OR1J2: variants seen among roughly 807,000 people sequenced by gnomAD.
OR1J2 encodes the protein olfactory receptor family 1 subfamily J member 2, also known as olfactory receptor 1J2.
For synonymous variants in OR1J2, 142 were observed against 99.7 expected, an observed-to-expected ratio of 1.42 and a Z score of -2.52; for missense variants, 304 against 246.1, an observed-to-expected ratio of 1.24 and a Z score of -1.57.
chr9:122,468,943 C>T, the OR1J2 span, among the ~76,000 whole-genome samples: 1 of 152,176 alleles, frequency 6.6e-6, no homozygotes. Flanking sequence ...TCTGACAGAC[C>T]AGCTTTTAAT....
chr9:122,563,424 T>G, the OR1J2 span, among the ~76,000 whole-genome samples: 4 of 152,216 alleles, frequency 2.6e-5, no homozygotes, highest in Admixed American at 6.5e-5. Context: ...GAAATATCTA[T>G]TTAGGTCTTT....
chr9:122,530,041 G>C, the OR1J2 span, among the ~76,000 whole-genome samples: 2 of 152,210 alleles, frequency 1.3e-5, no homozygotes, highest in African/African-American at 4.8e-5. Flanking sequence ...CAAACAGCTG[G>C]AAGCAGAAGT....
the OR1J2 span, chr9:122,477,358 G>C: frequency 6.2e-6 from 10 of 1,613,966 alleles, no homozygotes; most frequent in Non-Finnish European, 8.5e-6. Flanking sequence ...GGAGGTGTCT[G>C]AGCAGGACAA....
At chr9:122,517,020 T>A in the OR1J2 span, among the ~76,000 whole-genome samples, 1 of 152,184 alleles carries the variant, frequency 6.6e-6, no homozygotes, top group Non-Finnish European at 1.5e-5. Flanking sequence ...TGATATAAAT[T>A]GGTTCAGATT....
chr9:122,535,578 A>G, the OR1J2 span, among the ~76,000 whole-genome samples: 1 of 152,190 alleles, frequency 6.6e-6, no homozygotes, highest in Non-Finnish European at 1.5e-5. Flanking sequence ...AGGTTGGAGA[A>G]GAGAGTAAAA....
At chr9:122,477,109 A>G in the OR1J2 span, 8 of 1,613,780 alleles carry the variant, frequency 5.0e-6, no homozygotes, top group African/African-American at 2.7e-5. Context: ...CACTGAAGCA[A>G]TTATGTTCTT....
the OR1J2 span, among the ~76,000 whole-genome samples, chr9:122,459,012 A>C: frequency 1.3e-5 from 2 of 152,094 alleles, no homozygotes; most frequent in East Asian, 1.9e-4. Flanking sequence ...CTCTACCTCC[A>C]TGAGGTCAAA....
At chr9:122,559,202 A>G in the OR1J2 span, among the ~76,000 whole-genome samples, 1 of 151,178 alleles carries the variant, frequency 6.6e-6, no homozygotes, top group Admixed American at 6.6e-5. Context: ...CCTGTTCCCC[A>G]CTCCTCCTAA....
At chr9:122,565,021 A>T in the OR1J2 span, among the ~76,000 whole-genome samples, 1 of 152,230 alleles carries the variant, frequency 6.6e-6, no homozygotes. Context: ...AAATCTGGCT[A>T]AAATTCAAGG....
the OR1J2 span, chr9:122,553,463 G>T: frequency 2.5e-6 from 4 of 1,614,040 alleles, no homozygotes; most frequent in Non-Finnish European, 3.4e-6. Context: ...TCCCCAAAAT[G>T]CTGGCCAACA....
the OR1J2 span, among the ~76,000 whole-genome samples, chr9:122,487,130 G>T: frequency 2.0e-5 from 3 of 151,888 alleles, no homozygotes; most frequent in Non-Finnish European, 2.9e-5. Flanking sequence ...TTATTGAAAA[G>T]AATATGTAGT....
the OR1J2 span, among the ~76,000 whole-genome samples, chr9:122,517,011 G>A: frequency 9.4e-3 from 1,424 of 152,288 alleles, 21 homozygotes; most frequent in African/African-American, 0.033. Flanking sequence ...GTGAGAAACT[G>A]ATATAAATTG....
At chr9:122,465,822 C>T in the OR1J2 span, among the ~76,000 whole-genome samples, 1 of 152,176 alleles carries the variant, frequency 6.6e-6, no homozygotes, top group Non-Finnish European at 1.5e-5. Context: ...TCTATTTCTT[C>T]TTTGAGTGAA....
At chr9:122,539,762 C>T in the OR1J2 span, among the ~76,000 whole-genome samples, 1 of 152,258 alleles carries the variant, frequency 6.6e-6, no homozygotes, top group East Asian at 1.9e-4. Flanking sequence ...TTCTCCACAT[C>T]CTCTCCAGCA....
the OR1J2 span, chr9:122,475,585 A>C: frequency 1.3e-5 from 2 of 152,202 alleles, no homozygotes; most frequent in Non-Finnish European, 2.9e-5. Flanking sequence ...TTAGATCCAC[A>C]TTAGATTGAG....
At chr9:122,503,921 A>AAACATATATGG in the OR1J2 span, among the ~76,000 whole-genome samples, 1 of 152,176 alleles carries the variant, frequency 6.6e-6, no homozygotes, top group African/African-American at 2.4e-5. Flanking sequence ...TAGCTCCCAC[A>AAACATATATGG]AACATATATG....
chr9:122,511,353 G>A lies in OR1J2; in HGVS notation c.552G>A (p.Leu184=), dbSNP rs149828953. ...ATGTCTTCTGTGACCTTGCTGCCCT[G>A]CTCAAGCTGTCCTGCTCAGATATCT... ...IPHVFCDLAA[L]LKLSCSDIFL... Residue 184 remains leucine, a synonymous_variant, in exon 1 of 1, where the codon CTG becomes CTA. Coordinates refer to ENST00000335302, the MANE Select transcript of OR1J2 (RefSeq NM_054107.1). 394 of 732,814 alleles carry A rather than the reference G, an allele frequency of 5.4e-4. No homozygotes were observed. The African/African-American group carries it at 6.5e-3, about 12-fold the overall frequency. The allele number at this position is 732,814 out of a possible 1,614,324, so 45.4% of individuals were successfully genotyped here.
the OR1J2 span, chr9:122,519,825 C>G: frequency 5.0e-6 from 8 of 1,614,064 alleles, no homozygotes; most frequent in African/African-American, 9.3e-5. Context: ...CCTCAAGGCT[C>G]CATCTACTAA....
At chr9:122,505,647 A>ATATC in the OR1J2 span, among the ~76,000 whole-genome samples, 4 of 152,150 alleles carry the variant, frequency 2.6e-5, no homozygotes, top group Non-Finnish European at 4.4e-5. Context: ...TATTATCTCA[A>ATATC]GCTATAAATA....
Sources: allele counts gnomAD v4.1 joint callset (sites outside exome capture counted in the v4.1 genomes callset), GRCh38; gene constraint gnomAD v4.1.1; transcripts MANE v1.5; gene names NCBI Gene and HGNC (gene_info 2026-07-23, HGNC 2026-07-21).